Variants in CFAP74 observed in about 807,000 individuals in gnomAD.
CFAP74 encodes cilia- and flagella-associated protein 74.
In CFAP74, 124 loss-of-function variants were observed where a neutral mutation model predicts 188.9. That is an observed-to-expected ratio of 0.66 (90% confidence interval 0.57 to 0.76). The LOEUF is 0.76. CFAP74 is among the 30% of genes least tolerant of loss of function. The pLI, the probability that CFAP74 is intolerant of heterozygous loss-of-function variation, is 0.00. For synonymous variants in CFAP74, 956 were observed against 916.7 expected (o/e 1.04, Z -0.77); for missense variants, 2,198 against 2,165.2 (o/e 1.02, Z -0.30).
intron 18 of CFAP74, among the ~76,000 whole-genome samples, chr1:1,951,981 C>T (rs373707713): frequency 8.5e-5 from 13 of 152,342 alleles, no homozygotes; most frequent in Admixed American, 2.6e-4. Flanking sequence ...CAGAAGAGCA[C>T]AGCTTTGGCT....
At chr1:1,967,303 C>G (rs899952232) in intron 11 of CFAP74, among the ~76,000 whole-genome samples, 2 of 152,136 alleles carry the variant, frequency 1.3e-5, no homozygotes, top group Admixed American at 1.3e-4. Flanking sequence ...GCCGGGTAGA[C>G]AGGGTTCTTC....
intron 1 of CFAP74, among the ~76,000 whole-genome samples, chr1:2,001,517 A>G (rs900719635): frequency 1.3e-5 from 2 of 151,832 alleles, no homozygotes; most frequent in African/African-American, 4.8e-5. Context: ...TTTAGTAGAG[A>G]CGGTTTCACC....
rs576496616 is a variant in CFAP74 at position 1,929,227 on chromosome 1, C to T, written c.3289-345G>A. 5.4e-3 allele frequency among the ~76,000 whole-genome samples: 799 copies of T among 147,972 alleles called. 7 individuals carry two copies. The highest frequency in any genetic ancestry group is 0.019 in the African/African-American group (762 of 39,780). On this transcript the variant is annotated intron_variant, in intron 26 of 38. Transcript: ENST00000682832. ...TTGCCTTGAGTTTGACGGGCGAGTC[C>T]CACACCCTAACCTGGTCCCTGCACA...
chr1:2,000,486 G>C lies in CFAP74; in HGVS notation c.-20+3215C>G, dbSNP rs374294774. On this transcript the variant is annotated intron_variant, in intron 1 of 38. Transcript: ENST00000682832. ...TCCCACCTGTTGTGTTAGCTTCCCG[G>C]GGTCGCCATAACAAAGTACCACAAC... Among the ~76,000 whole-genome samples, 12 of 152,106 alleles carry C rather than the reference G, an allele frequency of 7.9e-5. No homozygotes were observed. In the East Asian group the frequency reaches 1.7e-3, roughly 22 times the overall value.
intron 14 of CFAP74, among the ~76,000 whole-genome samples, chr1:1,962,711 C>G (rs554932259): frequency 6.6e-6 from 1 of 152,074 alleles, no homozygotes; most frequent in Non-Finnish European, 1.5e-5. Context: ...ACAGTGAAAC[C>G]CTGTCTCTAC....
chr1:1,942,060 C>A lies in CFAP74; in HGVS notation c.2583G>T (p.Ser861=). 2.0e-6 allele frequency: 3 copies of A among 1,530,762 alleles called. No homozygotes were observed. The highest frequency in any genetic ancestry group is 2.6e-6 in the Non-Finnish European group (3 of 1,144,798). 94.8% of individuals were successfully genotyped at this position (1,530,762 alleles called of 1,614,324 possible). A position where few individuals can be genotyped will look rare whatever the true frequency, so the allele number is the denominator to read the frequency against. ...GGAACTTGAGCTGCACGGAGTAGGA[C>A]GACTGTGCCTGGATATAGCCTGTCT... ...LPKTGYIQAQ[S]SYSVQLKFLP... Residue 861 remains serine, a synonymous_variant, in exon 22 of 39, where the codon TCG becomes TCT. Coordinates refer to ENST00000682832, the MANE Select transcript of CFAP74 (RefSeq NM_001304360.2). The surrounding 1 kb of genome is among the most constrained non-coding windows in gnomAD (Gnocchi z 4.3).
intron 25 of CFAP74, 35 bp from the exon 26 acceptor site, chr1:1,930,371 C>A: frequency 6.7e-7 from 1 of 1,488,726 alleles, no homozygotes; most frequent in South Asian, 1.3e-5. Flanking sequence ...CTCAGCCGTG[C>A]AGGGCGTCCG....
At chr1:1,951,920 A>G (rs2490562) in intron 18 of CFAP74, among the ~76,000 whole-genome samples, 132,255 of 152,190 alleles carry the variant, frequency 0.87, 57,879 homozygotes, top group African/African-American at 0.97. Context: ...AGAGAATACC[A>G]TTCAGGCTGA....
At chr1:1,995,626 C>T (rs1010949224) in intron 1 of CFAP74, among the ~76,000 whole-genome samples, 1 of 151,926 alleles carries the variant, frequency 6.6e-6, no homozygotes, top group Non-Finnish European at 1.5e-5. Flanking sequence ...AAACTAAGAA[C>T]AGGCCGGGCT....
chr1:1,972,034 CAT>C lies in CFAP74; in HGVS notation c.832_833del (p.Met278GlufsTer42). 1.2e-6 allele frequency: 2 copies of C among 1,613,090 alleles called. No homozygotes were observed. Among genetic ancestry groups the C allele is most frequent in the Non-Finnish European group, 1.7e-6 (2 of 1,180,012 alleles). On this transcript the variant is annotated frameshift_variant, in exon 9 of 39. Coordinates refer to ENST00000682832, the MANE Select transcript of CFAP74 (RefSeq NM_001304360.2). LOFTEE classifies it high-confidence loss of function. ...CCACCACCGCATCCATGCGTCGCCT[CAT>C]GTACTCGTGGCACTCCATCTCCTCC... is the stretch of plus-strand genomic sequence containing the variant. The part of the protein sequence containing the change: ...KKEEMECHEY[M>X]RRRMDAVVAL...
Position 1,990,944 on chromosome 1 carries a change from C to A in CFAP74, c.13G>T (p.Gly5Cys), listed in dbSNP as rs376399691. MEDD[G>C]SLLPEDELLA... ...AGCTCGTCCTCAGGGAGCAGGCTGC[C>A]GTCATCCTCCATGCTGGGAGATAGA... The change falls in exon 2 of 39, where the codon GGC becomes TGC. Residue 5 changes from glycine to cysteine, a missense_variant. Gly to Cys is a radical substitution (Grantham distance 159, BLOSUM62 -3). Transcript: ENST00000682832. 3 of 1,612,568 alleles carry A rather than the reference C, an allele frequency of 1.9e-6. No individual in the cohort carries two copies. Among genetic ancestry groups the A allele is most frequent in the Non-Finnish European group, 2.5e-6 (3 of 1,179,570 alleles).
At chr1:1,939,311 C>T (rs1653191140) in intron 24 of CFAP74, among the ~76,000 whole-genome samples, 2 of 152,224 alleles carry the variant, frequency 1.3e-5, no homozygotes, top group Admixed American at 1.3e-4. Flanking sequence ...TGGGCCTCGT[C>T]CCAGCTACCT....
chr1:1,970,633 G>A lies in CFAP74; in HGVS notation c.1046+26C>T, dbSNP rs372322614. 295 of 1,585,560 alleles carry A rather than the reference G, an allele frequency of 1.9e-4. No individual in the cohort carries two copies. In the East Asian group the frequency reaches 2.8e-3, roughly 15 times the overall value. ...CCCACTGACTGGGCGGGTGCCTCCC[G>A]GTGGCACCTCTGCCACCACCCTCAC... On this transcript the variant is annotated intron_variant, in intron 10 of 38. Transcript: ENST00000682832.
chr1:1,925,834 G>A lies in CFAP74; in HGVS notation c.4053C>T (p.Val1351=), dbSNP rs1031880667. 2.5e-6 allele frequency: 4 copies of A among 1,612,616 alleles called. No homozygotes were observed. Among genetic ancestry groups the A allele is most frequent in the Non-Finnish European group, 3.4e-6 (4 of 1,179,934 alleles). ...CGGCAATCACATAGCCCATGTTGAG[G>A]ACGCTGCCTTCAATGGAGCACGTGA... ...SMITCSIEGS[V]LNMGYVIAGE... Residue 1351 remains valine (V), a synonymous_variant, in exon 33 of 39, where the codon GTC becomes GTT. Coordinates refer to ENST00000682832, the MANE Select transcript of CFAP74 (RefSeq NM_001304360.2).
intron 16 of CFAP74, among the ~76,000 whole-genome samples, chr1:1,957,809 G>C (rs906275686): frequency 9.2e-5 from 14 of 152,100 alleles, no homozygotes; most frequent in Admixed American, 2.0e-4. Flanking sequence ...CCTGGTGCTC[G>C]GTGTCCTGGG....
At chr1:1,927,964 C>T in intron 27 of CFAP74, 1 of 574,876 alleles carries the variant, frequency 1.7e-6, no homozygotes. Context: ...GCGTCTGCTT[C>T]ACCAGAGGAT....
chr1:1,957,775 G>A (rs893450009), intron 16 of CFAP74, among the ~76,000 whole-genome samples: 7 of 111,112 alleles, frequency 6.3e-5, no homozygotes, highest in South Asian at 3.3e-4. Flanking sequence ...GCGGGGGGGC[G>A]GGGGACTTCC....
At chr1:1,985,524 C>A in intron 5 of CFAP74, 34 bp from the exon 6 acceptor site, 1 of 1,558,956 alleles carries the variant, frequency 6.4e-7, no homozygotes, top group South Asian at 1.1e-5. Flanking sequence ...GGGCGTGTGT[C>A]AGGCCTCAGT....
At chr1:1,957,439 C>T (rs888537509) in intron 16 of CFAP74, among the ~76,000 whole-genome samples, 10 of 152,194 alleles carry the variant, frequency 6.6e-5, no homozygotes, top group Non-Finnish European at 1.3e-4. Flanking sequence ...CAAGGGAGGC[C>T]GCCTCCTTCC....
Sources: allele counts gnomAD v4.1 joint callset (sites outside exome capture counted in the v4.1 genomes callset), GRCh38; gene constraint gnomAD v4.1.1; non-coding constraint Gnocchi (gnomAD v3.1); transcripts MANE v1.5; gene names NCBI Gene and HGNC (gene_info 2026-07-23, HGNC 2026-07-21).